Variants in CEP89 observed in about 807,000 individuals in gnomAD.
The protein encoded by CEP89 is centrosomal protein of 89 kDa.
CEP89 carries 95 observed loss-of-function variants against 97.6 expected under a neutral mutation model. That is an observed-to-expected ratio of 0.97 (90% CI 0.82 to 1.15). The LOEUF (loss-of-function observed/expected upper bound fraction) is 1.15, where lower values mean the gene tolerates loss of function less well. Among genes scored for constraint, CEP89 ranks in the 50% most tolerant of loss-of-function variants. The pLI is 0.00. For missense variants in CEP89, 869 were observed against 947.7 expected, an observed-to-expected ratio of 0.92 and a Z score of 1.09; for synonymous variants, 354 against 349.1, an observed-to-expected ratio of 1.01 and a Z score of -0.16.
At chr19:32,903,590 A>C (rs1313770408) in intron 14 of CEP89, among the ~76,000 whole-genome samples, 1 of 152,188 alleles carries the variant, frequency 6.6e-6, no homozygotes, top group Non-Finnish European at 1.5e-5. Flanking sequence ...TGAACAATAT[A>C]TTGGATGGGA....
At chr19:32,947,739 G>A (rs1970825903) in intron 5 of CEP89, among the ~76,000 whole-genome samples, 1 of 151,464 alleles carries the variant, frequency 6.6e-6, no homozygotes, top group Non-Finnish European at 1.5e-5. Flanking sequence ...AAACTCCTAA[G>A]CTCAAGAGAT....
intron 18 of CEP89, among the ~76,000 whole-genome samples, chr19:32,879,607 G>C (rs1969236986): frequency 6.6e-6 from 1 of 152,244 alleles, no homozygotes; most frequent in Admixed American, 6.5e-5. Flanking sequence ...GAAGCGGCCA[G>C]TGCCCTGGGA....
chr19:32,927,147 T>C (rs1274129716), intron 9 of CEP89, among the ~76,000 whole-genome samples, 163 bp from the exon 10 acceptor site: 2 of 150,206 alleles, frequency 1.3e-5, no homozygotes, highest in African/African-American at 4.9e-5. Context: ...CATCCATCCA[T>C]CCATCCATCC....
chr19:32,953,790 T>G lies in CEP89; in HGVS notation c.317A>C (p.Gln106Pro), dbSNP rs1970985801. 1.9e-6 allele frequency: 3 copies of G among 1,613,428 alleles called. No individual in the cohort carries two copies. The highest frequency in any genetic ancestry group is 2.5e-6 in the Non-Finnish European group (3 of 1,179,622). The change falls in exon 4 of 19, where the codon CAG becomes CCG. Residue 106 changes from glutamine (Q) to proline (P), a missense_variant. Transcript: ENST00000305768. ...AGAAGATCTTCTTCCCATCTCACTC[T>G]GCCAATTTGGCCTGTATTAGAATAT... ...TSQLRPRPNWQSEMGRRSSLP... is the reference protein window; with the variant it reads ...TSQLRPRPNWPSEMGRRSSLP...
intron 16 of CEP89, among the ~76,000 whole-genome samples, chr19:32,898,363 T>C (rs1490827981): frequency 1.3e-5 from 2 of 151,768 alleles, no homozygotes; most frequent in Non-Finnish European, 2.9e-5. Context: ...TAATGATAGC[T>C]ACCAGAGGCT....
rs1302789815 is a variant in CEP89, at chr19:32,876,863, T to TA, written c.*2298dup. ...GTATGTTTGCACTGTGTGAAAAACT[T>TA]AAAGCAGAAACATAAGAACAAAAGT... is the stretch of plus-strand genomic sequence containing the variant. On this transcript the variant is annotated 3_prime_UTR_variant, in exon 19 of 19. Coordinates refer to ENST00000305768, the MANE Select transcript of CEP89 (RefSeq NM_032816.5). 4.6e-5 allele frequency: 7 copies of TA among 152,356 alleles called. No homozygotes were observed. The highest frequency in any genetic ancestry group is 4.6e-4 in the Admixed American group (7 of 15,300). The allele number at this position is 152,356 out of a possible 1,614,324, so 9.4% of individuals were successfully genotyped here.
intron 17 of CEP89, among the ~76,000 whole-genome samples, chr19:32,886,821 C>T (rs1349172974): frequency 6.6e-6 from 1 of 150,764 alleles, no homozygotes; most frequent in African/African-American, 2.4e-5. Context: ...CGAGTCCCCT[C>T]ATAAACAGCA....
intron 14 of CEP89, among the ~76,000 whole-genome samples, chr19:32,902,378 T>C (rs1969799443): frequency 6.6e-6 from 1 of 152,182 alleles, no homozygotes; most frequent in African/African-American, 2.4e-5. Context: ...ATTCATTTAT[T>C]TCACTGAAAA....
rs113753601 is a variant in CEP89 at position 32,915,823 on chromosome 19, G to A, written c.1385-306C>T. ...AATCCCAGCTATTCAGGAGGCTGAG[G>A]CAGAGAATCACTTGAACCCAGGAGG... On this transcript the variant is annotated intron_variant, in intron 13 of 18. Coordinates refer to ENST00000305768, the MANE Select transcript of CEP89 (RefSeq NM_032816.5). Among the ~76,000 whole-genome samples, 24 of 151,292 alleles carry A rather than the reference G, an allele frequency of 1.6e-4. 1 individual carries two copies. Among genetic ancestry groups the A allele is most frequent in the African/African-American group, 5.6e-4 (23 of 41,168 alleles).
rs1969186675 is a variant in CEP89, at chr19:32,876,895, T to G, written c.*2267A>C. On this transcript the variant is annotated 3_prime_UTR_variant, in exon 19 of 19. Coordinates refer to ENST00000305768, the MANE Select transcript of CEP89 (RefSeq NM_032816.5). ...GAAACATAAGAACAAAAGTGGACAC[T>G]TCTCAAAAGAATAAAATGTTTGCAT... 1 of 152,248 alleles carries G rather than the reference T, an allele frequency of 6.6e-6. No homozygotes were observed. The highest frequency in any genetic ancestry group is 1.5e-5 in the Non-Finnish European group (1 of 68,042). The allele number at this position is 152,248 out of a possible 1,614,324, so 9.4% of individuals were successfully genotyped here. A position where few individuals can be genotyped will look rare whatever the true frequency, so the allele number is the denominator to read the frequency against.
intron 16 of CEP89, among the ~76,000 whole-genome samples, chr19:32,889,211 C>A (rs1400149730): frequency 6.6e-6 from 1 of 152,180 alleles, no homozygotes; most frequent in Non-Finnish European, 1.5e-5. Context: ...GGCCTAGGCA[C>A]TCCCAGGGTC....
intron 14 of CEP89, among the ~76,000 whole-genome samples, chr19:32,904,991 T>C (rs1394213753): frequency 2.6e-5 from 4 of 152,266 alleles, no homozygotes; most frequent in Non-Finnish European, 5.9e-5. Flanking sequence ...TTATTTTTAA[T>C]GATTTGTAGA....
At chr19:32,967,912 GA>G (rs145828770) in intron 1 of CEP89, among the ~76,000 whole-genome samples, 1,717 of 152,314 alleles carry the variant, frequency 0.011, 31 homozygotes, top group African/African-American at 0.036. Flanking sequence ...GCAGATGGAG[GA>G]AATCCCAAGG....
intron 2 of CEP89, 139 bp from the exon 3 acceptor site, chr19:32,960,197 C>T (rs1971138255): frequency 3.9e-6 from 3 of 775,998 alleles, no homozygotes; most frequent in Admixed American, 2.4e-5. Context: ...CATCATCTAC[C>T]GCAGGCCATC....
intron 14 of CEP89, among the ~76,000 whole-genome samples, chr19:32,904,389 C>A (rs1374331858): frequency 6.6e-6 from 1 of 152,154 alleles, no homozygotes; most frequent in Non-Finnish European, 1.5e-5. Flanking sequence ...CCACAAACTA[C>A]CAAAAACCTG....
Position 32,915,495 on chromosome 19 carries a change from T to C in CEP89, c.1407A>G (p.Leu469=), listed in dbSNP as rs886643009. ...CGTGGGTTTTTGCCTCCAGGAGCAT[T>C]AGTTGTTTAGTCAGCTTAGAAACTG... is the stretch of plus-strand genomic sequence containing the variant. ...LQEVSKLTKQ[L]MLLEAKTHGQ... is the part of the protein sequence containing the mutation. Residue 469 remains leucine, a synonymous_variant, in exon 14 of 19, where the codon CTA becomes CTG. Transcript: ENST00000305768. 1 of 1,611,264 alleles carries C rather than the reference T, an allele frequency of 6.2e-7. No individual in the cohort carries two copies. The highest frequency in any genetic ancestry group is 8.5e-7 in the Non-Finnish European group (1 of 1,179,354).
chr19:32,887,620 C>T (rs1969426993), intron 17 of CEP89, 132 bp downstream of exon 17: 2 of 634,808 alleles, frequency 3.2e-6, no homozygotes. Context: ...CAAAACCTTA[C>T]AATACTTTTA....
chr19:32,889,519 A>C (rs1372813513), intron 16 of CEP89, among the ~76,000 whole-genome samples: 5 of 152,226 alleles, frequency 3.3e-5, no homozygotes, highest in Non-Finnish European at 7.3e-5. Flanking sequence ...TTGTTGGCTC[A>C]ACAAGTAACT....
chr19:32,945,699 C>T (rs1970782893), intron 5 of CEP89, among the ~76,000 whole-genome samples: 2 of 152,172 alleles, frequency 1.3e-5, no homozygotes, highest in African/African-American at 4.8e-5. Context: ...CCAAGGGTCT[C>T]ACTATATTAC....
Sources: gnomAD v4.1 joint callset for allele counts (sites outside exome capture counted in the v4.1 genomes callset) on GRCh38, gnomAD v4.1.1 for gene constraint, MANE v1.5 for transcripts, NCBI Gene and HGNC (gene_info 2026-07-23, HGNC 2026-07-21) for gene names.